ZNF718: variants seen among roughly 807,000 people sequenced by gnomAD.
The protein encoded by ZNF718 is zinc finger protein 718.
In ZNF718, 3 loss-of-function variants were observed where a neutral mutation model predicts 2.6. The ratio of observed to expected loss-of-function variants is 1.16; its 90% CI spans 0.53 to 3.01. The LOEUF is 3.01. ZNF718 is among the 30% of genes most tolerant of loss of function. ZNF718 has a pLI of 0.03. For synonymous variants in ZNF718, 135 were observed against 77.9 expected (o/e 1.73, Z -3.86); for missense variants, 468 against 230.0 (o/e 2.03, Z -6.69).
chr4:162,398 CAT>C lies in ZNF718; in HGVS notation c.*279_*280del. On this transcript the variant is annotated 3_prime_UTR_variant, in exon 4 of 4. Transcript: ENST00000510175. ...TGTGGCAAAACCTTTAACCAATGCT[CAT>C]ATCTCTTTGCACATGATAGCATTTA... The C allele has an allele frequency of 3.3e-6, 1 of 302,798 alleles. No individual in the cohort carries two copies. Among genetic ancestry groups the C allele is most frequent in the Non-Finnish European group, 6.1e-6 (1 of 164,380 alleles). 18.8% of individuals were successfully genotyped at this position (302,798 alleles called of 1,614,324 possible).
chr4:158,571 A>G (rs555229408), intron 3 of ZNF718, among the ~76,000 whole-genome samples: 1 of 152,010 alleles, frequency 6.6e-6, no homozygotes, highest in East Asian at 1.9e-4. Context: ...TAAATTTAAA[A>G]TAATATATTT....
At chr4:157,622 A>G (rs1456283684) in intron 3 of ZNF718, among the ~76,000 whole-genome samples, 3 of 152,136 alleles carry the variant, frequency 2.0e-5, no homozygotes, top group African/African-American at 7.2e-5. Context: ...TAAAGAGTAT[A>G]TTGTTTGCTT....
intron 3 of ZNF718, among the ~76,000 whole-genome samples, chr4:195,932 C>A (rs1256270094): frequency 1.3e-5 from 2 of 152,084 alleles, no homozygotes; most frequent in Non-Finnish European, 2.9e-5. Flanking sequence ...CTACTTCTGT[C>A]TTTCTCTTTT....
At chr4:157,212 A>G (rs1159232847) in intron 3 of ZNF718, among the ~76,000 whole-genome samples, 2 of 145,426 alleles carry the variant, frequency 1.4e-5, no homozygotes, top group Non-Finnish European at 1.5e-5. Context: ...TCCCAGGTTC[A>G]AGTGATCCTC....
chr4:201,811 C>T, exon 5 of ZNF718: 1 of 196,368 alleles, frequency 5.1e-6, no homozygotes. Flanking sequence ...AGAGATTCAG[C>T]ACCAGCAGCA....
In ZNF718 at chr4:161,145, A is replaced by T. The variant is rs782653796; in HGVS notation, c.460A>T (p.Lys154Ter). ...QSNICVKVFHKFSNSNKDKIR... is the reference protein window; with the variant it reads ...QSNICVKVFH ...TAATATATGTGTCAAAGTTTTTCAT[A>T]AATTTTCAAATTCAAACAAAGATAA... The change falls in exon 4 of 4, where the codon AAA becomes TAA. Residue 154 changes from lysine to a stop codon, truncating the protein, a stop_gained. Coordinates refer to ENST00000510175, the MANE Select transcript of ZNF718 (RefSeq NM_001039127.6). LOFTEE classifies it low-confidence loss of function (END_TRUNC). 1 of 756,146 alleles carries T rather than the reference A, an allele frequency of 1.3e-6. No individual in the cohort carries two copies. The highest frequency in any genetic ancestry group is 2.5e-5 in the East Asian group (1 of 40,398). The allele number at this position is 756,146 out of a possible 1,614,324, so 46.8% of individuals were successfully genotyped here. A position where few individuals can be genotyped will look rare whatever the true frequency, so the allele number is the denominator to read the frequency against.
intron 3 of ZNF718, among the ~76,000 whole-genome samples, chr4:197,152 T>C (rs1334354704): frequency 6.6e-6 from 1 of 151,414 alleles, no homozygotes; most frequent in Non-Finnish European, 1.5e-5. Flanking sequence ...AATGAAAGAG[T>C]GAGAGACTTG....
At position 163,561 on chromosome 4, in the gene ZNF718, C is replaced by T. The variant is rs1359006408; in HGVS notation, c.*1439C>T. On this transcript the variant is annotated 3_prime_UTR_variant, in exon 4 of 4. Coordinates refer to ENST00000510175, the MANE Select transcript of ZNF718 (RefSeq NM_001039127.6). ...GTGGTTGACTTATCATTGCATGATGCATGACGTACATGTTCAGAGTAATAT... is the reference window on the plus strand; with the variant it reads ...GTGGTTGACTTATCATTGCATGATGTATGACGTACATGTTCAGAGTAATAT... 1 of 152,074 alleles carries T rather than the reference C, an allele frequency of 6.6e-6. No homozygotes were observed. The highest frequency in any genetic ancestry group is 6.6e-5 in the Admixed American group (1 of 15,258). The allele number at this position is 152,074 out of a possible 1,614,324, so 9.4% of individuals were successfully genotyped here.
chr4:150,158 T>C (rs1716253348), intron 3 of ZNF718: 1 of 152,134 alleles, frequency 6.6e-6, no homozygotes, highest in Non-Finnish European at 1.5e-5. Flanking sequence ...TCTCAGGCTT[T>C]GTTTTTGTAA....
intron 3 of ZNF718, among the ~76,000 whole-genome samples, chr4:187,261 C>T (rs1553820587): frequency 1.3e-5 from 2 of 152,062 alleles, no homozygotes; most frequent in African/African-American, 4.8e-5. Flanking sequence ...GAGTCTCGCT[C>T]TGTAGCCCAA....
intron 1 of ZNF718, among the ~76,000 whole-genome samples, chr4:126,328 G>A (rs1331540662): frequency 6.6e-6 from 1 of 152,252 alleles, no homozygotes; most frequent in African/African-American, 2.4e-5. Flanking sequence ...AAAGCATTTA[G>A]GTGGAAAATT....
At chr4:166,402 C>CA (rs1717088496), downstream of ZNF718, among the ~76,000 whole-genome samples, 1 of 152,144 alleles carries the variant, frequency 6.6e-6, no homozygotes, top group African/African-American at 2.4e-5. Flanking sequence ...ATTTCTAGTT[C>CA]AAGATCCCTG....
At position 124,644 on chromosome 4, in the gene ZNF718, ACT is replaced by A. The variant is rs782178614; in HGVS notation, c.-24_-23del. 2 of 1,606,992 alleles carry A rather than the reference ACT, an allele frequency of 1.2e-6. No individual in the cohort carries two copies. Among genetic ancestry groups the A allele is most frequent in the Non-Finnish European group, 1.7e-6 (2 of 1,179,518 alleles). ...CGGTATTGGATGATTCGTATCTAAG[ACT>A]CTGGGACACTCCTGAAGTCGGGAAA... On this transcript the variant is annotated 5_prime_UTR_variant, in exon 1 of 4. Coordinates refer to ENST00000510175, the MANE Select transcript of ZNF718 (RefSeq NM_001039127.6).
At chr4:139,289 AT>A (rs1159041836) in intron 3 of ZNF718, among the ~76,000 whole-genome samples, 1 of 152,094 alleles carries the variant, frequency 6.6e-6, no homozygotes, top group South Asian at 2.1e-4. Flanking sequence ...TTTTGATTTA[AT>A]TTTTTTTAGA....
At chr4:125,201 C>A (rs1715149202) in intron 1 of ZNF718, 1 of 154,300 alleles carries the variant, frequency 6.5e-6, no homozygotes, top group African/African-American at 2.4e-5. Flanking sequence ...TTGCCCTGTG[C>A]GCCTCCTCCG....
intron 1 of ZNF718, among the ~76,000 whole-genome samples, chr4:125,609 G>A (rs10006358): frequency 0.53 from 79,881 of 152,070 alleles, 21,338 homozygotes; most frequent in East Asian, 0.78. Flanking sequence ...AGGCGCGGCC[G>A]GGTTCTGCAC....
chr4:140,278 G>A (rs1310686346), intron 3 of ZNF718, among the ~76,000 whole-genome samples: 1 of 152,114 alleles, frequency 6.6e-6, no homozygotes, highest in Non-Finnish European at 1.5e-5. Flanking sequence ...CGGATCCACA[G>A]GAGGATACTC....
At chr4:171,007 T>C (rs1430536133) in intron 3 of ZNF718, among the ~76,000 whole-genome samples, 2 of 152,164 alleles carry the variant, frequency 1.3e-5, no homozygotes, top group Non-Finnish European at 2.9e-5. Context: ...ATGATGGTGA[T>C]GTACAGATGG....
chr4:128,682 G>A lies in ZNF718; in HGVS notation c.4-2106G>A, dbSNP rs1190596472. Among the ~76,000 whole-genome samples the A allele has an allele frequency of 9.8e-5, 10 of 102,274 alleles. 5 individuals are homozygous for A. The highest frequency in any genetic ancestry group is 1.3e-4 in the Non-Finnish European group (6 of 46,132). 67.1% of individuals were successfully genotyped at this position (102,274 alleles called of 152,430 possible). ...CATCTTTGAGTAATGAGACATTTGA[G>A]GATGTCATGTGCAGACTGGGGTCAG... On this transcript the variant is annotated intron_variant, in intron 1 of 3. Coordinates refer to ENST00000510175, the MANE Select transcript of ZNF718 (RefSeq NM_001039127.6).
Sources: allele counts gnomAD v4.1 joint callset (sites outside exome capture counted in the v4.1 genomes callset), GRCh38; gene constraint gnomAD v4.1.1; transcripts MANE v1.5; gene names NCBI Gene and HGNC (gene_info 2026-07-23, HGNC 2026-07-21).